ZNF487: variants seen among roughly 807,000 people sequenced by gnomAD.
ZNF487 encodes zinc finger protein 487.
ZNF487 carries 4 observed loss-of-function variants against 3.0 expected under a neutral mutation model. The ratio of observed to expected loss-of-function variants is 1.35; its 90% CI spans 0.66 to 3.08. ZNF487 has a LOEUF of 3.08. Among genes scored for constraint, ZNF487 ranks in the 30% most tolerant of loss-of-function variants. The probability of loss-of-function intolerance (pLI) is 0.01; values close to 1 mark genes in which losing one functional copy is unlikely to be tolerated. For missense variants in ZNF487, 146 were observed against 98.7 expected (o/e 1.48, Z -2.03); for synonymous variants, 55 against 34.6 (o/e 1.59, Z -2.06).
At chr10:43,508,556 C>T in the ZNF487 span, among the ~76,000 whole-genome samples, 1 of 150,434 alleles carries the variant, frequency 6.6e-6, no homozygotes, top group Non-Finnish European at 1.5e-5. Context: ...TGCCTGTAAT[C>T]CCAGCACTTT....
At chr10:43,440,661 A>AC (rs992244108) in intron 1 of ZNF487, among the ~76,000 whole-genome samples, 11 of 151,840 alleles carry the variant, frequency 7.2e-5, no homozygotes, top group Non-Finnish European at 1.6e-4. Flanking sequence ...CTGTCTCAAA[A>AC]AAAAAAAAGA....
chr10:43,437,416 C>T (rs888140518), intron 1 of ZNF487, among the ~76,000 whole-genome samples, 154 bp downstream of exon 1: 1 of 152,112 alleles, frequency 6.6e-6, no homozygotes, highest in Non-Finnish European at 1.5e-5. Context: ...GGATCTTTGA[C>T]CCCAGTGCGG....
intron 1 of ZNF487, among the ~76,000 whole-genome samples, chr10:43,447,880 A>G (rs915246378): frequency 6.6e-6 from 1 of 152,050 alleles, no homozygotes; most frequent in Non-Finnish European, 1.5e-5. Flanking sequence ...ACATTCTACA[A>G]ACTACTCAAG....
At chr10:43,458,528 CT>C (rs1348130246) in intron 1 of ZNF487, among the ~76,000 whole-genome samples, 1 of 152,206 alleles carries the variant, frequency 6.6e-6, no homozygotes, top group African/African-American at 2.4e-5. Flanking sequence ...CCCAGCTTGA[CT>C]TTTCTCTTTA....
At chr10:43,449,961 G>A (rs1056017961) in intron 1 of ZNF487, among the ~76,000 whole-genome samples, 4 of 152,136 alleles carry the variant, frequency 2.6e-5, no homozygotes, top group African/African-American at 4.8e-5. Flanking sequence ...TTACAGGTGT[G>A]AGCCACCATG....
intron 3 of ZNF487, among the ~76,000 whole-genome samples, chr10:43,476,552 G>A (rs1178129259): frequency 6.6e-6 from 1 of 152,154 alleles, no homozygotes; most frequent in Admixed American, 6.6e-5. Flanking sequence ...CAGCTACGAT[G>A]TTGGCATTTC....
the ZNF487 span, among the ~76,000 whole-genome samples, chr10:43,518,625 C>T: frequency 3.3e-5 from 5 of 152,134 alleles, no homozygotes; most frequent in African/African-American, 1.2e-4. Context: ...CTGCCCTGCT[C>T]AGACCATCAT....
chr10:43,504,764 T>TG, the ZNF487 span, among the ~76,000 whole-genome samples: 2 of 151,648 alleles, frequency 1.3e-5, no homozygotes, highest in Non-Finnish European at 2.9e-5. Flanking sequence ...TGGAGTGCAG[T>TG]GGCACGATCT....
intron 1 of ZNF487, among the ~76,000 whole-genome samples, chr10:43,457,693 T>TAA (rs543234325): frequency 2.9e-5 from 3 of 105,246 alleles, no homozygotes. Flanking sequence ...CCGCCTCAAT[T>TAA]AAAAAAAAAA....
chr10:43,436,892 G>T (rs1025455138), upstream of ZNF487: 1 of 469,178 alleles, frequency 2.1e-6, no homozygotes, highest in African/African-American at 2.0e-5. Flanking sequence ...CTTCGCTTTC[G>T]TGGGGAAGCC....
intron 3 of ZNF487, among the ~76,000 whole-genome samples, chr10:43,477,420 C>A (rs748623149): frequency 7.9e-5 from 12 of 151,936 alleles, no homozygotes; most frequent in Non-Finnish European, 1.6e-4. Context: ...GTCTCAAACT[C>A]CTGGCCTCAA....
At chr10:43,466,644 A>C (rs907600429) in intron 1 of ZNF487, among the ~76,000 whole-genome samples, 28 of 151,620 alleles carry the variant, frequency 1.8e-4, no homozygotes. Flanking sequence ...CTTGTGATCC[A>C]CCCGCCTCGG....
In ZNF487 at chr10:43,482,668, G is replaced by T. The variant is rs1841409539; in HGVS notation, c.*746G>T. On this transcript the variant is annotated 3_prime_UTR_variant, in exon 4 of 4. Coordinates refer to ENST00000437590, the MANE Select transcript of ZNF487 (RefSeq NM_001355444.3). ...CATACTGGCGAGAAACCCTATGAGTGTAAGGAATGTGGGAAAACTTTCTCC... is the reference window on the plus strand; with the variant it reads ...CATACTGGCGAGAAACCCTATGAGTTTAAGGAATGTGGGAAAACTTTCTCC... The T allele has an allele frequency of 2.1e-6, 1 of 483,120 alleles. No individual in the cohort carries two copies. Among genetic ancestry groups the T allele is most frequent in the South Asian group, 1.5e-5 (1 of 65,344 alleles). The allele number at this position is 483,120 out of a possible 1,614,324, so 29.9% of individuals were successfully genotyped here.
At chr10:43,500,815 G>A in the ZNF487 span, among the ~76,000 whole-genome samples, 4 of 152,088 alleles carry the variant, frequency 2.6e-5, no homozygotes, top group East Asian at 5.8e-4. Context: ...GGTCAGCAAG[G>A]CCTTTAATGG....
At chr10:43,438,466 G>A (rs986677158) in intron 1 of ZNF487, among the ~76,000 whole-genome samples, 1 of 152,194 alleles carries the variant, frequency 6.6e-6, no homozygotes. Flanking sequence ...GATTACAGGC[G>A]TGAGCCACTG....
At chr10:43,519,763 C>T in the ZNF487 span, among the ~76,000 whole-genome samples, 4 of 152,126 alleles carry the variant, frequency 2.6e-5, no homozygotes, top group Admixed American at 6.6e-5. Context: ...CTGTGCCTGG[C>T]CTAAAATGTT....
At chr10:43,460,116 A>T (rs1450376597) in intron 1 of ZNF487, among the ~76,000 whole-genome samples, 2 of 151,648 alleles carry the variant, frequency 1.3e-5, no homozygotes, top group Non-Finnish European at 2.9e-5. Flanking sequence ...AATTATTATT[A>T]TTTTTTTAGC....
downstream of ZNF487, among the ~76,000 whole-genome samples, chr10:43,487,454 CTTT>C (rs1223205564): frequency 7.8e-6 from 1 of 127,422 alleles, no homozygotes; most frequent in Admixed American, 8.0e-5. Flanking sequence ...ACATTTTTTT[CTTT>C]TTTTTTTTTG....
chr10:43,445,394 G>A (rs184203804), intron 1 of ZNF487, among the ~76,000 whole-genome samples: 2 of 152,252 alleles, frequency 1.3e-5, no homozygotes, highest in East Asian at 1.9e-4. Flanking sequence ...CTTATTGGAT[G>A]TTAGGCATTG....
Sources: allele counts gnomAD v4.1 joint callset (sites outside exome capture counted in the v4.1 genomes callset), GRCh38; gene constraint gnomAD v4.1.1; transcripts MANE v1.5; gene names NCBI Gene and HGNC (gene_info 2026-07-23, HGNC 2026-07-21).